Variants in WDR49 observed in about 807,000 individuals in gnomAD.
The protein encoded by WDR49 is cilia- and flagella-associated protein 337.
In WDR49, 107 loss-of-function variants were observed where a neutral mutation model predicts 119.5. That is an observed-to-expected ratio of 0.90 (90% confidence interval 0.77 to 1.05). The LOEUF is 1.05. Ranked by LOEUF, WDR49 falls within the 50% of genes least tolerant of loss-of-function variation. The pLI is 0.00. For missense variants in WDR49, 1,240 were observed against 1,220.5 expected, an observed-to-expected ratio of 1.02 and a Z score of -0.24; for synonymous variants, 425 against 418.8, an observed-to-expected ratio of 1.01 and a Z score of -0.18.
intron 10 of WDR49, among the ~76,000 whole-genome samples, chr3:167,540,462 T>C (rs993478177): frequency 6.6e-6 from 1 of 152,024 alleles, no homozygotes; most frequent in African/African-American, 2.4e-5. Flanking sequence ...GTCTGGCTCG[T>C]AGGAAGCCCC....
rs1388281933 is a variant in WDR49 at position 167,622,256 on chromosome 3, G to T, written c.607-613C>A. On this transcript the variant is annotated intron_variant, in intron 3 of 18. Coordinates refer to ENST00000682715, the MANE Select transcript of WDR49 (RefSeq NM_001366157.1). ...CTAAAGAAGCAAAGGAAAGTATGTG[G>T]CTGGGTGTGATGGCTCATGTCTGTA... Among the ~76,000 whole-genome samples, 4 of 152,068 alleles carry T rather than the reference G, an allele frequency of 2.6e-5. No individual in the cohort carries two copies. The East Asian group carries it at 7.7e-4, about 29-fold the overall frequency.
intron 7 of WDR49, among the ~76,000 whole-genome samples, chr3:167,581,497 C>T (rs1481854805): frequency 6.6e-6 from 1 of 152,100 alleles, no homozygotes; most frequent in Admixed American, 6.5e-5. Flanking sequence ...AACAATATTT[C>T]AAACGAATTA....
At chr3:167,537,332 C>T (rs765047869) in intron 10 of WDR49, among the ~76,000 whole-genome samples, 2 of 152,024 alleles carry the variant, frequency 1.3e-5, no homozygotes, top group Admixed American at 6.6e-5. Flanking sequence ...ATGAAATCAC[C>T]GAGTTTTATA....
Position 167,649,933 on chromosome 3 carries a change from T to C in WDR49, c.165+3328A>G, listed in dbSNP as rs73173061. 9.8e-3 allele frequency among the ~76,000 whole-genome samples: 1,498 copies of C among 152,158 alleles called. 7 individuals are homozygous for C. Among genetic ancestry groups the C allele is most frequent in the Middle Eastern group, 0.017 (5 of 294 alleles). On this transcript the variant is annotated intron_variant, in intron 2 of 18. Coordinates refer to ENST00000682715, the MANE Select transcript of WDR49 (RefSeq NM_001366157.1). ...GAGAAGATATAGACACAGTTGCTGATAAAGGCAGTTCAGGACCTAACCTGG... is the reference window on the plus strand; with the variant it reads ...GAGAAGATATAGACACAGTTGCTGACAAAGGCAGTTCAGGACCTAACCTGG...
intron 7 of WDR49, among the ~76,000 whole-genome samples, chr3:167,587,219 C>T: frequency 6.6e-6 from 1 of 152,062 alleles, no homozygotes; most frequent in East Asian, 1.9e-4. Context: ...ATACAATATA[C>T]ATATACAATG....
intron 6 of WDR49, among the ~76,000 whole-genome samples, chr3:167,603,995 AG>A (rs1715909010): frequency 6.6e-6 from 1 of 152,122 alleles, no homozygotes; most frequent in South Asian, 2.1e-4. Flanking sequence ...GGAAGATGGC[AG>A]AATGGCAGAT....
Sources: allele counts gnomAD v4.1 joint callset (sites outside exome capture counted in the v4.1 genomes callset), GRCh38; gene constraint gnomAD v4.1.1; transcripts MANE v1.5; gene names NCBI Gene and HGNC (gene_info 2026-07-23, HGNC 2026-07-21).